PGBD5: variants seen among roughly 807,000 people sequenced by gnomAD.
PGBD5 encodes the protein piggyBac transposable element-derived protein 5.
Under a neutral mutation model 47.9 loss-of-function variants are expected in PGBD5, and 14 were observed. That is an observed-to-expected ratio of 0.29 (90% confidence interval 0.19 to 0.46). The LOEUF is 0.46. Among genes scored for constraint, PGBD5 ranks in the 20% least tolerant of loss-of-function variants. PGBD5 has a pLI of 1.00. For missense variants in PGBD5, 635 were observed against 716.0 expected (o/e 0.89, Z 1.29); for synonymous variants, 316 against 306.3 (o/e 1.03, Z -0.33).
Position 230,425,140 on chromosome 1 carries a change from T to C in PGBD5, c.331+458A>G, listed in dbSNP as rs1434099884. On this transcript the variant is annotated intron_variant, in intron 1 of 6. Transcript: ENST00000391860. This position sits in a 1 kb window ranked among gnomAD's most constrained non-coding sequence, Gnocchi z 4.7. Reference sequence around the variant, plus strand: ...TCTCAACTCTCACTGGGCCAACTCCTACCTGCCTCGCCCGCGTCACCTGCT... The same window carrying C: ...TCTCAACTCTCACTGGGCCAACTCCCACCTGCCTCGCCCGCGTCACCTGCT... Among the ~76,000 whole-genome samples, 1 of 151,968 alleles carries C rather than the reference T, an allele frequency of 6.6e-6. No individual in the cohort carries two copies. The highest frequency in any genetic ancestry group is 2.4e-5 in the African/African-American group (1 of 41,380).
chr1:230,361,787 C>G (rs1404713042), intron 1 of PGBD5, among the ~76,000 whole-genome samples: 1 of 152,208 alleles, frequency 6.6e-6, no homozygotes, highest in Admixed American at 6.5e-5. Context: ...CAGCAGGCAG[C>G]AGGAGCTGGG....
rs74146007 is a variant in PGBD5, at chr1:230,387,506, G to C, written c.332-30185C>G. 5.4e-3 allele frequency among the ~76,000 whole-genome samples: 825 copies of C among 152,288 alleles called. 11 individuals carry two copies. The highest frequency in any genetic ancestry group is 0.019 in the African/African-American group (773 of 41,582). ...ACCCAGCATCCAGGAGGCCAGGCTGGGGGGAGGCTCCTTAGGCCATTAGGT... is the reference window on the plus strand; with the variant it reads ...ACCCAGCATCCAGGAGGCCAGGCTGCGGGGAGGCTCCTTAGGCCATTAGGT... On this transcript the variant is annotated intron_variant, in intron 1 of 6. Coordinates refer to ENST00000391860, the MANE Select transcript of PGBD5 (RefSeq NM_001258311.2).
intron 1 of PGBD5, among the ~76,000 whole-genome samples, chr1:230,404,586 G>A (rs1657248346): frequency 6.8e-6 from 1 of 146,466 alleles, no homozygotes; most frequent in Admixed American, 6.9e-5. Context: ...CTCTAGCCTG[G>A]GTGAGACAGA....
intron 3 of PGBD5, among the ~76,000 whole-genome samples, chr1:230,345,954 T>A (rs1667467780): frequency 6.6e-6 from 1 of 152,204 alleles, no homozygotes; most frequent in Admixed American, 6.5e-5. Flanking sequence ...ACTCCTGGAC[T>A]CAAGTGGTCT....
intron 1 of PGBD5, among the ~76,000 whole-genome samples, chr1:230,417,146 T>C (rs977894980): frequency 6.6e-6 from 1 of 152,170 alleles, no homozygotes; most frequent in African/African-American, 2.4e-5. Context: ...TGTGGGAGAA[T>C]AGGCAAGCAT....
chr1:230,356,996 G>C lies in PGBD5; in HGVS notation c.657C>G (p.Ala219=), dbSNP rs546632074. 6.2e-7 allele frequency: 1 copy of C among 1,614,224 alleles called. No individual in the cohort carries two copies. Among genetic ancestry groups the C allele is most frequent in the African/African-American group, 1.3e-5 (1 of 75,058 alleles). The part of the protein sequence containing the change: ...EKILKYFHVV[A]FRSSQTTHGL... ...CGTGCGTGGTCTGGCTGGAGCGGAA[G>C]GCCACGACGTGGAAGTACTTGAGGA... The change falls in exon 2 of 7, where the codon GCC becomes GCG. Residue 219 remains alanine (A), a synonymous_variant. Transcript: ENST00000391860.
At chr1:230,338,231 A>G (rs376862927) in intron 3 of PGBD5, among the ~76,000 whole-genome samples, 6 of 152,328 alleles carry the variant, frequency 3.9e-5, no homozygotes, top group African/African-American at 1.2e-4. Flanking sequence ...CCACAAATTC[A>G]GTGGCTTCAA....
intron 5 of PGBD5, among the ~76,000 whole-genome samples, chr1:230,329,234 G>C (rs1199720497): frequency 6.6e-6 from 1 of 152,110 alleles, no homozygotes; most frequent in East Asian, 1.9e-4. Context: ...AAAGTGCTGG[G>C]ATTATGGGCA....
intron 1 of PGBD5, among the ~76,000 whole-genome samples, chr1:230,412,581 G>C (rs1319875886): frequency 1.3e-5 from 2 of 151,820 alleles, no homozygotes; most frequent in African/African-American, 4.8e-5. Flanking sequence ...ATAGAGATGG[G>C]GTTTCACCAT....
At position 230,357,357 on chromosome 1, in the gene PGBD5, C is replaced by T. The variant is rs374594858; in HGVS notation, c.332-36G>A. The T allele has an allele frequency of 5.2e-5, 82 of 1,583,898 alleles. 1 individual carries two copies. In the African/African-American group the frequency reaches 5.4e-4, roughly 10 times the overall value. On this transcript the variant is annotated intron_variant, in intron 1 of 6. Transcript: ENST00000391860. The surrounding 1 kb of genome is among the most constrained non-coding windows in gnomAD (Gnocchi z 5.7). ...AAGACAGGTGGAGTGTTCCTTAGGA[C>T]GGCCGCCACACCCTGACTCGACACG... is the stretch of plus-strand genomic sequence containing the variant.
At chr1:230,389,065 G>A (rs1159779380) in intron 1 of PGBD5, among the ~76,000 whole-genome samples, 1 of 152,208 alleles carries the variant, frequency 6.6e-6, no homozygotes, top group Non-Finnish European at 1.5e-5. Flanking sequence ...AGGAGACAAG[G>A]TATGTGGGCC....
At chr1:230,342,185 C>G (rs753714810) in intron 3 of PGBD5, among the ~76,000 whole-genome samples, 3 of 152,024 alleles carry the variant, frequency 2.0e-5, no homozygotes, top group Non-Finnish European at 2.9e-5. Flanking sequence ...TAGCTGCTGA[C>G]TCACCAGCTG....
Position 230,315,956 on chromosome 1 carries a change from A to ATGT in PGBD5, c.*7468_*7469insACA, listed in dbSNP as rs1558186562. ...CATATATGTATGTGTATACATACAT[A>ATGT]AGTATATGTGTACACATATATGTAT... On this transcript the variant is annotated 3_prime_UTR_variant, in exon 7 of 7. Transcript: ENST00000391860. 553 of 98,552 alleles carry ATGT rather than the reference A, an allele frequency of 5.6e-3. 79 individuals carry two copies. Among genetic ancestry groups the ATGT allele is most frequent in the African/African-American group, 0.017 (528 of 31,690 alleles). The allele number at this position is 98,552 out of a possible 1,614,324, so 6.1% of individuals were successfully genotyped here.
chr1:230,323,691 C>G lies in PGBD5; in HGVS notation c.1380-71G>C. 6.9e-7 allele frequency: 1 copy of G among 1,446,788 alleles called. No homozygotes were observed. Among genetic ancestry groups the G allele is most frequent in the South Asian group, 1.3e-5 (1 of 77,938 alleles). The allele number at this position is 1,446,788 out of a possible 1,614,324, so 89.6% of individuals were successfully genotyped here. ...ACCCGGAGATGCATCCCAAAGGCCC[C>G]CCCTCACCACAGCCCGTGAGACGCT... On this transcript the variant is annotated intron_variant, in intron 6 of 6. Transcript: ENST00000391860. The surrounding 1 kb of genome is among the most constrained non-coding windows in gnomAD (Gnocchi z 4.1).
chr1:230,325,713 C>CA (rs1667105445), intron 5 of PGBD5, among the ~76,000 whole-genome samples: 2 of 152,056 alleles, frequency 1.3e-5, no homozygotes, highest in Admixed American at 6.6e-5. Flanking sequence ...CTCTAAGCAG[C>CA]ATGGGGAAGG....
chr1:230,382,167 C>T (rs1558206039), intron 1 of PGBD5, among the ~76,000 whole-genome samples: 1 of 152,314 alleles, frequency 6.6e-6, no homozygotes, highest in Non-Finnish European at 1.5e-5. Context: ...CAGCAGGCAA[C>T]CATGGAGCGC....
chr1:230,375,868 G>A (rs1440535131), intron 1 of PGBD5, among the ~76,000 whole-genome samples: 1 of 151,774 alleles, frequency 6.6e-6, no homozygotes, highest in African/African-American at 2.4e-5. Context: ...ACCAGCTAGA[G>A]CAGCTGAGAG....
At chr1:230,404,397 T>C (rs1293677414) in intron 1 of PGBD5, among the ~76,000 whole-genome samples, 1 of 152,018 alleles carries the variant, frequency 6.6e-6, no homozygotes, top group African/African-American at 2.4e-5. Context: ...GAAAGATTGC[T>C]TGAGCCTAGG....
At chr1:230,352,935 T>C (rs529696042) in intron 2 of PGBD5, among the ~76,000 whole-genome samples, 9 of 152,250 alleles carry the variant, frequency 5.9e-5, no homozygotes, top group Middle Eastern at 3.4e-3. Context: ...CAAATGAAAA[T>C]TGCCCTCTCT....
Sources: allele counts gnomAD v4.1 joint callset (sites outside exome capture counted in the v4.1 genomes callset), GRCh38; gene constraint gnomAD v4.1.1; non-coding constraint Gnocchi (gnomAD v3.1); transcripts MANE v1.5; gene names NCBI Gene and HGNC (gene_info 2026-07-23, HGNC 2026-07-21).